Variants in LEPR observed in about 807,000 individuals in gnomAD.
LEPR encodes the protein leptin receptor.
A neutral mutation model predicts 114.7 loss-of-function variants in LEPR; 56 were observed. The ratio of observed to expected loss-of-function variants is 0.49; its 90% CI spans 0.39 to 0.61. The LOEUF (loss-of-function observed/expected upper bound fraction) is 0.61, where lower values mean the gene tolerates loss of function less well. Among genes scored for constraint, LEPR ranks in the 20% least tolerant of loss-of-function variants. LEPR has a pLI of 0.00. For missense variants in LEPR, 1,202 were observed against 1,352.9 expected (o/e 0.89, Z 1.75); for synonymous variants, 443 against 461.4 (o/e 0.96, Z 0.51).
At chr1:65,514,934 C>T (rs1002868025) in intron 2 of LEPR, among the ~76,000 whole-genome samples, 10 of 152,138 alleles carry the variant, frequency 6.6e-5, no homozygotes, top group South Asian at 2.1e-4. Flanking sequence ...TATAGGGATA[C>T]GCATAAGCAA....
intron 2 of LEPR, among the ~76,000 whole-genome samples, chr1:65,490,922 T>C (rs1359917786): frequency 6.6e-6 from 1 of 152,098 alleles, no homozygotes; most frequent in African/African-American, 2.4e-5. Context: ...ATTTCAGAAG[T>C]GTAAACAACT....
rs149724387 is a variant in LEPR at position 65,615,391 on chromosome 1, C to G, written c.1996-617C>G. ...ATTTTACATTCGGATCTTTAATGAC[C>G]TGATATTATTATTTTTAATTATATG... On this transcript the variant is annotated intron_variant, in intron 14 of 19. Transcript: ENST00000349533. 1.5e-3 allele frequency among the ~76,000 whole-genome samples: 229 copies of G among 152,126 alleles called. 4 individuals carry two copies. The highest frequency in any genetic ancestry group is 5.0e-3 in the African/African-American group (208 of 41,494).
At chr1:65,464,219 G>A (rs528039768) in intron 2 of LEPR, among the ~76,000 whole-genome samples, 52 of 152,226 alleles carry the variant, frequency 3.4e-4, no homozygotes, top group Non-Finnish European at 6.0e-4. Flanking sequence ...AGTTTATTGC[G>A]AGTTTTTAGC....
intron 19 of LEPR, chr1:65,634,676 T>C (rs1300261202): frequency 7.2e-6 from 7 of 976,212 alleles, no homozygotes; most frequent in Non-Finnish European, 8.5e-6. Flanking sequence ...GAAGGACATA[T>C]GTAATCTTGA....
At chr1:65,455,193 T>G (rs1244758451) in intron 2 of LEPR, among the ~76,000 whole-genome samples, 2 of 152,190 alleles carry the variant, frequency 1.3e-5, no homozygotes, top group Non-Finnish European at 2.9e-5. Flanking sequence ...TCTAAACTTT[T>G]TTCAAAGTTT....
intron 2 of LEPR, among the ~76,000 whole-genome samples, chr1:65,544,411 T>C (rs999892408): frequency 1.3e-5 from 2 of 152,016 alleles, no homozygotes; most frequent in Non-Finnish European, 2.9e-5. Flanking sequence ...ATTTCCTCTC[T>C]TCCTATTTGA....
intron 16 of LEPR, among the ~76,000 whole-genome samples, 169 bp downstream of exon 16, chr1:65,618,315 C>CTTCTA (rs1226953621): frequency 1.3e-5 from 2 of 151,550 alleles, no homozygotes; most frequent in Non-Finnish European, 2.9e-5. Flanking sequence ...TTCTCTTCCT[C>CTTCTA]TTCTCTTCTC....
Position 65,608,743 on chromosome 1 carries a change from A to G in LEPR, c.1604-10A>G, listed in dbSNP as rs1166512442. The G allele has an allele frequency of 2.5e-6, 4 of 1,611,896 alleles. No individual in the cohort carries two copies. Among genetic ancestry groups the G allele is most frequent in the Non-Finnish European group, 3.4e-6 (4 of 1,178,774 alleles). ...TTACCATCACTTAATACTATTGTAAAAATTTCTAGTGAAGCCACTGCCTCC... is the reference window on the plus strand; with the variant it reads ...TTACCATCACTTAATACTATTGTAAGAATTTCTAGTGAAGCCACTGCCTCC... On this transcript the variant is annotated splice_polypyrimidine_tract_variant and intron_variant, in intron 11 of 19. Coordinates refer to ENST00000349533, the MANE Select transcript of LEPR (RefSeq NM_002303.6).
chr1:65,531,860 A>C (rs1650425372), intron 2 of LEPR, among the ~76,000 whole-genome samples: 1 of 152,118 alleles, frequency 6.6e-6, no homozygotes, highest in Non-Finnish European at 1.5e-5. Context: ...ATCCATCTAC[A>C]AGTGTGCTAG....
Position 65,633,964 on chromosome 1 carries a change from G to A in LEPR, c.2674-2227G>A. Reference sequence around the variant, plus strand: ...TAATCCAGCTTTCTTGTTTAATTATGACCTAAATCTAATTTACTTCCACTG... The same window carrying A: ...TAATCCAGCTTTCTTGTTTAATTATAACCTAAATCTAATTTACTTCCACTG... On this transcript the variant is annotated intron_variant, in intron 19 of 19. Coordinates refer to ENST00000349533, the MANE Select transcript of LEPR (RefSeq NM_002303.6). This position sits in a 1 kb window ranked among gnomAD's most constrained non-coding sequence, Gnocchi z 4.1. The A allele has an allele frequency of 1.0e-6, 1 of 985,332 alleles. No individual in the cohort carries two copies. Among genetic ancestry groups the A allele is most frequent in the Non-Finnish European group, 1.2e-6 (1 of 829,918 alleles). 61.0% of individuals were successfully genotyped at this position (985,332 alleles called of 1,614,324 possible).
intron 2 of LEPR, among the ~76,000 whole-genome samples, chr1:65,448,843 G>T (rs1270232164): frequency 6.6e-6 from 1 of 152,240 alleles, no homozygotes; most frequent in African/African-American, 2.4e-5. Context: ...TTATTATCCC[G>T]TTAGTGTCCG....
intron 2 of LEPR, among the ~76,000 whole-genome samples, chr1:65,426,761 G>C (rs940731272): frequency 6.6e-6 from 1 of 152,194 alleles, no homozygotes; most frequent in Admixed American, 6.5e-5. Flanking sequence ...CACTTTGGGA[G>C]GCTGAGGCGG....
chr1:65,503,201 A>G (rs570846018), intron 2 of LEPR, among the ~76,000 whole-genome samples: 34 of 152,276 alleles, frequency 2.2e-4, no homozygotes, highest in African/African-American at 7.9e-4. Context: ...TTTGTAAGTG[A>G]TGAAACCATT....
Position 65,558,526 on chromosome 1 carries a change from GTTTTTTTTTTTGTTT to G in LEPR, c.-20-7012_-20-6998del, listed in dbSNP as rs1205652493. 7.7e-4 allele frequency among the ~76,000 whole-genome samples: 6 copies of G among 7,748 alleles called. No individual in the cohort carries two copies. The East Asian group carries it at 0.021, about 28-fold the overall frequency. 5.1% of individuals were successfully genotyped at this position (7,748 alleles called of 152,430 possible). On this transcript the variant is annotated intron_variant, in intron 2 of 19. Transcript: ENST00000349533. ...GTTTTTTTTTTTTTTTGAATCAGAA[GTTTTTTTTTTTGTTT>G]TTTTTTTGTTTTTTTTTTTTTTTAT... is the stretch of plus-strand genomic sequence containing the variant.
chr1:65,592,740 G>A lies in LEPR; in HGVS notation c.578G>A (p.Cys193Tyr), dbSNP rs1655791047. The A allele has an allele frequency of 1.2e-6, 2 of 1,613,324 alleles. No individual in the cohort carries two copies. Among genetic ancestry groups the A allele is most frequent in the African/African-American group, 2.7e-5 (2 of 74,978 alleles). Residue 193 changes from cysteine to tyrosine, a missense_variant, in exon 6 of 20, where the codon TGT (cysteine) becomes TAT (tyrosine). By Grantham distance (194) the Cys-to-Tyr change is radical. Coordinates refer to ENST00000349533, the MANE Select transcript of LEPR (RefSeq NM_002303.6). ...MVHCNCSVHECCECLVPVPTA... is the reference protein window; with the variant it reads ...MVHCNCSVHEYCECLVPVPTA... ...CACTGCAATTGCAGTGTTCATGAATGTTGTGAATGTCTTGTGCCTGTGCCA... is the reference window on the plus strand; with the variant it reads ...CACTGCAATTGCAGTGTTCATGAATATTGTGAATGTCTTGTGCCTGTGCCA...
chr1:65,469,080 T>A (rs891816131), intron 2 of LEPR, among the ~76,000 whole-genome samples: 2 of 152,216 alleles, frequency 1.3e-5, no homozygotes, highest in Non-Finnish European at 2.9e-5. Flanking sequence ...TTATTAATCA[T>A]CATGTATGCC....
chr1:65,539,202 A>C (rs1651004022), intron 2 of LEPR, among the ~76,000 whole-genome samples: 1 of 151,240 alleles, frequency 6.6e-6, no homozygotes, highest in South Asian at 2.1e-4. Flanking sequence ...TTATGGATCC[A>C]AAACTTTCTG....
intron 2 of LEPR, chr1:65,432,186 G>T: frequency 9.0e-7 from 1 of 1,110,972 alleles, no homozygotes; most frequent in South Asian, 2.7e-5. Context: ...ATATATTAAC[G>T]CAGTCTTGTA....
intron 2 of LEPR, among the ~76,000 whole-genome samples, chr1:65,453,887 A>T (rs983313413): frequency 1.3e-5 from 2 of 151,094 alleles, no homozygotes; most frequent in African/African-American, 4.9e-5. Context: ...TGGGGTGTTA[A>T]AGTCTCCCAT....
Sources: gnomAD v4.1 joint callset for allele counts (sites outside exome capture counted in the v4.1 genomes callset) on GRCh38, gnomAD v4.1.1 for gene constraint, Gnocchi (gnomAD v3.1) non-coding constraint, MANE v1.5 for transcripts, NCBI Gene and HGNC (gene_info 2026-07-23, HGNC 2026-07-21) for gene names.